Variants in FHIT observed in about 807,000 individuals in gnomAD.
The protein encoded by FHIT is fragile histidine triad diadenosine triphosphatase.
In FHIT, 19 loss-of-function variants were observed where a neutral mutation model predicts 17.9. The ratio of observed to expected loss-of-function variants is 1.06; its 90% CI spans 0.74 to 1.56. FHIT has a LOEUF of 1.56. Among genes scored for constraint, FHIT ranks in the 40% most tolerant of loss-of-function variants. FHIT has a pLI of 0.00. For missense variants in FHIT, 248 were observed against 189.2 expected, an observed-to-expected ratio of 1.31 and a Z score of -1.82; for synonymous variants, 81 against 69.7, an observed-to-expected ratio of 1.16 and a Z score of -0.81.
At chr3:60,036,709 G>C (rs1363279070) in intron 5 of FHIT, among the ~76,000 whole-genome samples, 1 of 151,996 alleles carries the variant, frequency 6.6e-6, no homozygotes, top group Non-Finnish European at 1.5e-5. Context: ...CTGTATTCAG[G>C]GTGCATACAA....
chr3:60,255,097 A>T (rs984924077), intron 5 of FHIT, among the ~76,000 whole-genome samples: 1 of 152,202 alleles, frequency 6.6e-6, no homozygotes, highest in African/African-American at 2.4e-5. Context: ...AGATGGCAGA[A>T]TTATAATAAC....
At chr3:60,901,058 G>A (rs1230649763) in intron 3 of FHIT, among the ~76,000 whole-genome samples, 2 of 152,098 alleles carry the variant, frequency 1.3e-5, no homozygotes, top group Non-Finnish European at 2.9e-5. Context: ...TTCAATGGAA[G>A]AATTACCATG....
intron 5 of FHIT, among the ~76,000 whole-genome samples, chr3:60,188,199 G>GTTTC (rs1204082748): frequency 1.5e-4 from 15 of 102,886 alleles, no homozygotes; most frequent in South Asian, 1.3e-3. Flanking sequence ...GATCTTGACA[G>GTTTC]TTTCTTTCTT....
chr3:59,891,167 G>A (rs1427291046), intron 8 of FHIT, among the ~76,000 whole-genome samples: 1 of 152,202 alleles, frequency 6.6e-6, no homozygotes, highest in Admixed American at 6.5e-5. Flanking sequence ...TTTAAAAATA[G>A]TTGATCAATC....
At chr3:59,866,208 TG>T (rs1702642121) in intron 8 of FHIT, among the ~76,000 whole-genome samples, 2 of 151,810 alleles carry the variant, frequency 1.3e-5, no homozygotes, top group African/African-American at 4.8e-5. Flanking sequence ...GAATCTGAGC[TG>T]AGTCATGAAT....
intron 5 of FHIT, among the ~76,000 whole-genome samples, chr3:60,024,791 T>C (rs534424037): frequency 6.6e-6 from 1 of 152,172 alleles, no homozygotes; most frequent in East Asian, 1.9e-4. Flanking sequence ...CAGGAAAGAG[T>C]GCAGGCCCTT....
intron 3 of FHIT, among the ~76,000 whole-genome samples, chr3:60,829,689 T>G (rs1702251125): frequency 6.6e-6 from 1 of 152,140 alleles, no homozygotes; most frequent in Admixed American, 6.5e-5. Context: ...TAACTTCTGA[T>G]TGTCAGATGG....
Position 60,746,880 on chromosome 3 carries a change from T to C in FHIT, c.-18+75039A>G, listed in dbSNP as rs149366951. On this transcript the variant is annotated intron_variant, in intron 4 of 9. Transcript: ENST00000492590. Reference sequence around the variant, plus strand: ...GAGTTCAGCTATTGTGAAACTTCATTCTCTTGCCAAATGGAGTTTCCTTGA... The same window carrying C: ...GAGTTCAGCTATTGTGAAACTTCATCCTCTTGCCAAATGGAGTTTCCTTGA... 1.5e-4 allele frequency among the ~76,000 whole-genome samples: 23 copies of C among 152,250 alleles called. 1 individual carries two copies. Among genetic ancestry groups the C allele is most frequent in the African/African-American group, 5.3e-4 (22 of 41,542 alleles).
At chr3:61,008,560 C>T (rs1013450782) in intron 3 of FHIT, among the ~76,000 whole-genome samples, 1 of 149,532 alleles carries the variant, frequency 6.7e-6, no homozygotes, top group Admixed American at 6.8e-5. Flanking sequence ...TGTGTTTGTG[C>T]AACAGTTATT....
chr3:60,610,405 T>G (rs1277104930), intron 4 of FHIT, among the ~76,000 whole-genome samples: 1 of 152,144 alleles, frequency 6.6e-6, no homozygotes, highest in Admixed American at 6.5e-5. Flanking sequence ...CAAAAAAGCA[T>G]CTGATATGAT....
At chr3:60,479,115 C>T (rs1437402390) in intron 5 of FHIT, among the ~76,000 whole-genome samples, 2 of 152,148 alleles carry the variant, frequency 1.3e-5, no homozygotes, top group African/African-American at 2.4e-5. Flanking sequence ...TACTGCTTGC[C>T]CATGGTTCAG....
intron 5 of FHIT, among the ~76,000 whole-genome samples, chr3:60,312,949 A>G (rs970406716): frequency 3.3e-5 from 5 of 152,244 alleles, no homozygotes; most frequent in Non-Finnish European, 7.3e-5. Context: ...TGGTGTTCAC[A>G]ATGACACGCA....
intron 8 of FHIT, among the ~76,000 whole-genome samples, chr3:59,843,161 G>T (rs762508036): frequency 2.0e-5 from 3 of 152,080 alleles, no homozygotes; most frequent in Non-Finnish European, 4.4e-5. Context: ...GCATTTATTG[G>T]AAAGACTGTC....
At chr3:60,303,243 C>G (rs1044723293) in intron 5 of FHIT, among the ~76,000 whole-genome samples, 2 of 152,112 alleles carry the variant, frequency 1.3e-5, no homozygotes, top group African/African-American at 4.8e-5. Context: ...ATTCACTAAG[C>G]ATGACATCCA....
rs181169147 is a variant in FHIT at position 60,251,543 on chromosome 3, A to T, written c.104-237391T>A. 1.8e-4 allele frequency among the ~76,000 whole-genome samples: 28 copies of T among 152,346 alleles called. No homozygotes were observed. In the East Asian group the frequency reaches 4.4e-3, roughly 24 times the overall value. ...CCTCATCTTTCCAATTCCAAAGTTT[A>T]TATTTAAAAATTGTACTTCCAGTGT... On this transcript the variant is annotated intron_variant, in intron 5 of 9. Coordinates refer to ENST00000492590, the MANE Select transcript of FHIT (RefSeq NM_002012.4).
chr3:60,368,433 CAT>C (rs1700196853), intron 5 of FHIT, among the ~76,000 whole-genome samples: 3 of 151,768 alleles, frequency 2.0e-5, no homozygotes, highest in South Asian at 2.1e-4. Context: ...TTTGAAAAAA[CAT>C]ATATATAAAT....
intron 5 of FHIT, among the ~76,000 whole-genome samples, chr3:60,262,088 A>C (rs1706332523): frequency 6.6e-6 from 1 of 152,028 alleles, no homozygotes; most frequent in African/African-American, 2.4e-5. Flanking sequence ...CATAAAACTT[A>C]TGTTAAATAA....
rs145900067 is a variant in FHIT at position 59,939,941 on chromosome 3, A to G, written c.280-17527T>C. Among the ~76,000 whole-genome samples the G allele has an allele frequency of 4.6e-3, 705 of 152,282 alleles. 1 individual carries two copies. The highest frequency in any genetic ancestry group is 6.1e-3 in the Non-Finnish European group (412 of 68,020). ...ATCCAGCAAGTCAGGATTTCACAGC[A>G]AGCATAGCTTTCACTTTAAGCTAAG... is the stretch of plus-strand genomic sequence containing the variant. On this transcript the variant is annotated intron_variant, in intron 7 of 9. Coordinates refer to ENST00000492590, the MANE Select transcript of FHIT (RefSeq NM_002012.4).
intron 5 of FHIT, among the ~76,000 whole-genome samples, chr3:60,076,962 T>C (rs1172398479): frequency 6.6e-6 from 1 of 152,058 alleles, no homozygotes; most frequent in East Asian, 1.9e-4. Flanking sequence ...AAAGTTAAGC[T>C]TCTATTCTGA....
Sources: allele counts gnomAD v4.1 joint callset (sites outside exome capture counted in the v4.1 genomes callset), GRCh38; gene constraint gnomAD v4.1.1; transcripts MANE v1.5; gene names NCBI Gene and HGNC (gene_info 2026-07-23, HGNC 2026-07-21).